Variants in KAT2B observed in about 807,000 individuals in gnomAD.
The protein encoded by KAT2B is lysine acetyltransferase 2B.
In KAT2B, 36 loss-of-function variants were observed where a neutral mutation model predicts 105.9. The ratio of observed to expected loss-of-function variants is 0.34; its 90% confidence interval spans 0.26 to 0.45. The LOEUF (loss-of-function observed/expected upper bound fraction) is 0.45, where lower values mean the gene tolerates loss of function less well. Ranked by LOEUF, KAT2B falls within the 20% of genes least tolerant of loss-of-function variation. The probability of loss-of-function intolerance (pLI) is 1.00; values close to 1 mark genes in which losing one functional copy is unlikely to be tolerated. For missense variants in KAT2B, 820 were observed against 1,021.6 expected, an observed-to-expected ratio of 0.80 and a Z score of 2.69; for synonymous variants, 397 against 377.9, an observed-to-expected ratio of 1.05 and a Z score of -0.59.
intron 7 of KAT2B, 63 bp downstream of exon 7, chr3:20,115,051 A>G (rs541066627): frequency 3.1e-6 from 3 of 959,476 alleles, no homozygotes; most frequent in African/African-American, 1.6e-5. Context: ...TGTAAGTTGC[A>G]GTTCACTGCA....
chr3:20,139,424 A>G (rs1332428180), intron 12 of KAT2B, among the ~76,000 whole-genome samples: 1 of 152,164 alleles, frequency 6.6e-6, no homozygotes, highest in Non-Finnish European at 1.5e-5. Context: ...TGCAAAGCAT[A>G]AGATCTCAGC....
intron 1 of KAT2B, among the ~76,000 whole-genome samples, chr3:20,042,545 A>G (rs920067975): frequency 4.6e-5 from 7 of 152,062 alleles, no homozygotes; most frequent in African/African-American, 1.7e-4. Context: ...AAAACCTATG[A>G]AAAAAAAGAG....
In KAT2B at chr3:20,119,151, A is replaced by G. The variant is rs544396491; in HGVS notation, c.1151-447A>G. Reference sequence around the variant, plus strand: ...ACCTTTCCTTTTTAATCAAAAAAATACTTTTGTGGGGAGATATTTTGAGAC... The same window carrying G: ...ACCTTTCCTTTTTAATCAAAAAAATGCTTTTGTGGGGAGATATTTTGAGAC... On this transcript the variant is annotated intron_variant, in intron 7 of 17. Coordinates refer to ENST00000263754, the MANE Select transcript of KAT2B (RefSeq NM_003884.5). 3.9e-5 allele frequency among the ~76,000 whole-genome samples: 6 copies of G among 152,158 alleles called. 1 individual carries two copies. The South Asian group carries it at 1.0e-3, about 26-fold the overall frequency.
intron 7 of KAT2B, among the ~76,000 whole-genome samples, chr3:20,118,820 AT>A (rs979652050): frequency 4.7e-5 from 7 of 148,118 alleles, no homozygotes; most frequent in African/African-American, 7.4e-5. Context: ...TATTATATAT[AT>A]TTTTTCTCCT....
At chr3:20,043,982 C>T (rs560646571) in intron 1 of KAT2B, among the ~76,000 whole-genome samples, 1 of 151,660 alleles carries the variant, frequency 6.6e-6, no homozygotes, top group South Asian at 2.1e-4. Flanking sequence ...TGATATAAAT[C>T]TGGCCTTTAA....
In KAT2B at chr3:20,140,210, T is replaced by C. The variant is rs1270158690; in HGVS notation, c.1861-11T>C. 1.3e-6 allele frequency: 2 copies of C among 1,563,768 alleles called. No homozygotes were observed. Among genetic ancestry groups the C allele is most frequent in the Non-Finnish European group, 1.8e-6 (2 of 1,134,788 alleles). ...ATGGTGTTCATATGAATGAATTTAC[T>C]TGCTTTTCAGGGTTTCTCCAAAGAA... On this transcript the variant is annotated splice_polypyrimidine_tract_variant and intron_variant, in intron 12 of 17. Transcript: ENST00000263754.
intron 2 of KAT2B, among the ~76,000 whole-genome samples, chr3:20,088,815 G>A (rs1209856900): frequency 6.6e-6 from 1 of 152,082 alleles, no homozygotes; most frequent in Non-Finnish European, 1.5e-5. Flanking sequence ...AAATCTTTGC[G>A]AAGACCAATG....
chr3:20,085,039 A>G (rs1005188931), intron 2 of KAT2B, among the ~76,000 whole-genome samples: 2 of 152,204 alleles, frequency 1.3e-5, no homozygotes, highest in South Asian at 4.1e-4. Flanking sequence ...ATAGCTTATC[A>G]CAAAAAGAGA....
At chr3:20,041,191 G>T (rs1011251901) in intron 1 of KAT2B, among the ~76,000 whole-genome samples, 2 of 152,034 alleles carry the variant, frequency 1.3e-5, no homozygotes, top group Admixed American at 6.6e-5. Flanking sequence ...TTCTGCAATC[G>T]ATCCCTTCCT....
At chr3:20,069,196 C>T (rs1349107164) in intron 1 of KAT2B, among the ~76,000 whole-genome samples, 1 of 152,144 alleles carries the variant, frequency 6.6e-6, no homozygotes, top group Non-Finnish European at 1.5e-5. Flanking sequence ...GTAGTTAGAA[C>T]TTGGGCTTAT....
At chr3:20,109,739 T>C (rs1383458655) in intron 5 of KAT2B, among the ~76,000 whole-genome samples, 1 of 152,222 alleles carries the variant, frequency 6.6e-6, no homozygotes, top group East Asian at 1.9e-4. Flanking sequence ...AAATGCACTT[T>C]ATAATTTTTT....
chr3:20,070,807 G>A (rs1319900885), intron 1 of KAT2B, among the ~76,000 whole-genome samples: 1 of 151,132 alleles, frequency 6.6e-6, no homozygotes, highest in African/African-American at 2.4e-5. Flanking sequence ...TCAGGAGGTC[G>A]AGACCAGCCT....
At chr3:20,105,524 C>T (rs1309858522) in intron 5 of KAT2B, among the ~76,000 whole-genome samples, 1 of 152,008 alleles carries the variant, frequency 6.6e-6, no homozygotes, top group African/African-American at 2.4e-5. Flanking sequence ...GCCTGTAATC[C>T]CAGCAACTTT....
In KAT2B at chr3:20,128,045, A is replaced by T. The variant is rs59242139; in HGVS notation, c.1749+496A>T. On this transcript the variant is annotated intron_variant, in intron 11 of 17. Coordinates refer to ENST00000263754, the MANE Select transcript of KAT2B (RefSeq NM_003884.5). ...GGGACCTCTGTCTCACTGTGAGTGT[A>T]TGTGTATGTGTGTGAGGAGAGTAAG... Among the ~76,000 whole-genome samples the T allele has an allele frequency of 2.3e-3, 354 of 152,224 alleles. 1 individual carries two copies. Among genetic ancestry groups the T allele is most frequent in the African/African-American group, 8.3e-3 (344 of 41,524 alleles).
chr3:20,121,946 T>C (rs1459252944), intron 8 of KAT2B, among the ~76,000 whole-genome samples: 1 of 152,100 alleles, frequency 6.6e-6, no homozygotes, highest in East Asian at 1.9e-4. Context: ...TTGGGGTTGG[T>C]TTATTACATA....
intron 1 of KAT2B, among the ~76,000 whole-genome samples, chr3:20,059,275 T>A (rs1698055101): frequency 6.6e-6 from 1 of 151,594 alleles, no homozygotes; most frequent in Non-Finnish European, 1.5e-5. Flanking sequence ...TAGCCAGGCG[T>A]GGTGGCATGC....
intron 9 of KAT2B, among the ~76,000 whole-genome samples, chr3:20,124,081 A>C (rs1359024891): frequency 2.0e-5 from 3 of 152,164 alleles, no homozygotes; most frequent in Non-Finnish European, 4.4e-5. Flanking sequence ...TAATAGAAAA[A>C]TCTCTTCCTA....
Position 20,111,577 on chromosome 3 carries a change from T to TG in KAT2B, c.852-19_852-18insG. The TG allele has an allele frequency of 6.3e-7, 1 of 1,596,944 alleles. No individual in the cohort carries two copies. The highest frequency in any genetic ancestry group is 8.5e-7 in the Non-Finnish European group (1 of 1,170,744). ...GGGGTTTATGGGATATTGATGGTGC[T>TG]TGACTTCTCTTGTCACAGGTGGCTG... On this transcript the variant is annotated intron_variant, in intron 5 of 17. Transcript: ENST00000263754.
chr3:20,075,401 C>T lies in KAT2B; in HGVS notation c.430+2942C>T, dbSNP rs541120843. On this transcript the variant is annotated intron_variant, in intron 2 of 17. Transcript: ENST00000263754. Reference sequence around the variant, plus strand: ...AATTCTCCCACTCTCTGAACACTAGCTGGAGGTCCCATAATTCATTTCGGT... The same window carrying T: ...AATTCTCCCACTCTCTGAACACTAGTTGGAGGTCCCATAATTCATTTCGGT... 2.2e-4 allele frequency among the ~76,000 whole-genome samples: 33 copies of T among 151,956 alleles called. 1 individual carries two copies. Among genetic ancestry groups the T allele is most frequent in the African/African-American group, 8.0e-4 (33 of 41,442 alleles).
Sources: gnomAD v4.1 joint callset for allele counts (sites outside exome capture counted in the v4.1 genomes callset) on GRCh38, gnomAD v4.1.1 for gene constraint, MANE v1.5 for transcripts, NCBI Gene and HGNC (gene_info 2026-07-23, HGNC 2026-07-21) for gene names.